VPS41: variants seen among roughly 807,000 people sequenced by gnomAD.
The protein encoded by VPS41 is VPS41 subunit of HOPS complex, also known as vacuolar protein sorting-associated protein 41 homolog.
In VPS41, 85 loss-of-function variants were observed where a neutral mutation model predicts 130.9. That is an observed-to-expected ratio of 0.65 (90% confidence interval 0.55 to 0.78). The LOEUF (loss-of-function observed/expected upper bound fraction) is 0.78, where lower values mean the gene tolerates loss of function less well. VPS41 is among the 30% of genes least tolerant of loss of function. The pLI is 0.00. For missense variants in VPS41, 874 were observed against 1,018.7 expected (o/e 0.86, Z 1.93); for synonymous variants, 335 against 332.9 (o/e 1.01, Z -0.07).
At chr7:38,817,483 T>C (rs1325108389) in intron 7 of VPS41, among the ~76,000 whole-genome samples, 1 of 152,122 alleles carries the variant, frequency 6.6e-6, no homozygotes, top group African/African-American at 2.4e-5. Context: ...CCAGGCACGA[T>C]AGTGGGCATC....
chr7:38,840,752 C>T (rs1179361232), intron 4 of VPS41, among the ~76,000 whole-genome samples: 1 of 152,120 alleles, frequency 6.6e-6, no homozygotes, highest in African/African-American at 2.4e-5. Context: ...ATTTCAGTCC[C>T]CATTAGCAAA....
intron 25 of VPS41, 46 bp downstream of exon 25, chr7:38,741,939 A>T: frequency 6.2e-7 from 1 of 1,606,326 alleles, no homozygotes; most frequent in East Asian, 2.2e-5. Flanking sequence ...ATCCAGTACT[A>T]AGTCAACTAA....
intron 16 of VPS41, among the ~76,000 whole-genome samples, chr7:38,763,982 G>GT (rs1783975540): frequency 6.6e-6 from 1 of 152,130 alleles, no homozygotes; most frequent in South Asian, 2.1e-4. Flanking sequence ...TACATCTTGT[G>GT]TTCTTCAGAT....
chr7:38,903,128 A>G (rs1787180176), intron 1 of VPS41, among the ~76,000 whole-genome samples: 1 of 152,216 alleles, frequency 6.6e-6, no homozygotes, highest in South Asian at 2.1e-4. Flanking sequence ...ACTGTAGGAC[A>G]GTTACAGAAA....
rs1041563556 is a variant in VPS41, at chr7:38,728,932, A to G, written c.2260-141T>C. On this transcript the variant is annotated intron_variant, in intron 25 of 28. Coordinates refer to ENST00000310301, the MANE Select transcript of VPS41 (RefSeq NM_014396.4). ...ACTCACTGATTCTCTTGCCCTCAGT[A>G]CCCTCTTCCTGCCAAACCACTGCCA... 3.0e-5 allele frequency: 22 copies of G among 727,542 alleles called. No individual in the cohort carries two copies. In the East Asian group the frequency reaches 5.7e-4, roughly 19 times the overall value. 45.1% of individuals were successfully genotyped at this position (727,542 alleles called of 1,614,324 possible).
At chr7:38,830,895 A>G (rs1329915200) in intron 4 of VPS41, among the ~76,000 whole-genome samples, 3 of 152,230 alleles carry the variant, frequency 2.0e-5, no homozygotes, top group Non-Finnish European at 4.4e-5. Context: ...TTTGTAGAAG[A>G]ATAAACTGAA....
intron 21 of VPS41, 82 bp downstream of exon 21, chr7:38,754,620 G>A (rs966594806): frequency 5.2e-6 from 6 of 1,155,326 alleles, no homozygotes; most frequent in Non-Finnish European, 7.7e-6. Flanking sequence ...ATTCACTCCA[G>A]TATCCTCCTC....
At chr7:38,898,006 G>C in intron 2 of VPS41, 85 bp downstream of exon 2, 2 of 1,285,628 alleles carry the variant, frequency 1.6e-6, no homozygotes, top group Non-Finnish European at 2.3e-6. Flanking sequence ...CAGCCCCTGG[G>C]AATGTTGCAT....
chr7:38,756,838 C>T lies in VPS41; in HGVS notation c.1695G>A (p.Glu565=). 2 of 1,543,644 alleles carry T rather than the reference C, an allele frequency of 1.3e-6. No homozygotes were observed. The highest frequency in any genetic ancestry group is 1.8e-5 in the Admixed American group (1 of 54,716). ...AGTACTAAAATAAAAAGCACATTAC[C>T]TCTGAATCAAAATCCATTAATAAAA... ...KIVLLMDFDS[E]KAVDMLLDNE... is the part of the protein sequence containing the mutation. Residue 565 remains glutamate, a splice_region_variant and synonymous_variant, in exon 19 of 29, where the codon GAG becomes GAA. Coordinates refer to ENST00000310301, the MANE Select transcript of VPS41 (RefSeq NM_014396.4).
intron 10 of VPS41, among the ~76,000 whole-genome samples, chr7:38,783,627 C>T (rs1784391191): frequency 6.6e-6 from 1 of 152,058 alleles, no homozygotes; most frequent in South Asian, 2.1e-4. Context: ...GAAAATTTAG[C>T]TTCTGAGGAG....
At chr7:38,752,910 C>T (rs931723021) in intron 21 of VPS41, among the ~76,000 whole-genome samples, 2 of 152,140 alleles carry the variant, frequency 1.3e-5, no homozygotes, top group African/African-American at 4.8e-5. Flanking sequence ...GCTGCCTAAA[C>T]TGGTAACATC....
At chr7:38,769,594 A>C (rs2115828755) in intron 14 of VPS41, among the ~76,000 whole-genome samples, 1 of 152,280 alleles carries the variant, frequency 6.6e-6, no homozygotes, top group African/African-American at 2.4e-5. Flanking sequence ...ATCTCTATCA[A>C]TCAGTAAATG....
intron 22 of VPS41, among the ~76,000 whole-genome samples, chr7:38,750,034 T>C (rs959759943): frequency 6.6e-6 from 1 of 152,168 alleles, no homozygotes; most frequent in Admixed American, 6.5e-5. Flanking sequence ...ACTGGACTAA[T>C]GTTTTTATTT....
At chr7:38,847,294 TA>T (rs3839726) in intron 4 of VPS41, among the ~76,000 whole-genome samples, 4 of 149,892 alleles carry the variant, frequency 2.7e-5, no homozygotes, top group Non-Finnish European at 4.5e-5. Context: ...ATGGGTTTGG[TA>T]AAAAAAAAAT....
At chr7:38,819,535 G>C (rs2116112032) in intron 6 of VPS41, among the ~76,000 whole-genome samples, 1 of 152,126 alleles carries the variant, frequency 6.6e-6, no homozygotes, top group East Asian at 1.9e-4. Context: ...TTCATGTATA[G>C]TGACCCTCCT....
intron 7 of VPS41, among the ~76,000 whole-genome samples, chr7:38,798,427 G>A (rs989902338): frequency 6.6e-6 from 1 of 152,046 alleles, no homozygotes; most frequent in African/African-American, 2.4e-5. Context: ...CAAGTAGCTG[G>A]GATTACAGGC....
chr7:38,743,315 T>A, intron 24 of VPS41, 87 bp downstream of exon 24: 2 of 1,484,986 alleles, frequency 1.3e-6, no homozygotes, highest in South Asian at 2.4e-5. Context: ...CTTAACCCAA[T>A]GTATCTTGAA....
rs1452229319 is a variant in VPS41, at chr7:38,758,524, G to C, written c.1423-43C>G. The C allele has an allele frequency of 4.4e-6, 7 of 1,580,178 alleles. No individual in the cohort carries two copies. In the East Asian group the frequency reaches 1.6e-4, roughly 35 times the overall value. ...ACAGAAAAAGAACACTCATTCAACA[G>C]AATAATAGTTGTGATATTGTGAAAT... is the stretch of plus-strand genomic sequence containing the variant. On this transcript the variant is annotated intron_variant, in intron 17 of 28. Transcript: ENST00000310301.
At chr7:38,852,785 T>A (rs1318204830) in intron 4 of VPS41, among the ~76,000 whole-genome samples, 1 of 152,176 alleles carries the variant, frequency 6.6e-6, no homozygotes, top group Non-Finnish European at 1.5e-5. Flanking sequence ...AAGCTTAAAA[T>A]TATTTATTGT....
Sources: gnomAD v4.1 joint callset for allele counts (sites outside exome capture counted in the v4.1 genomes callset) on GRCh38, gnomAD v4.1.1 for gene constraint, MANE v1.5 for transcripts, NCBI Gene and HGNC (gene_info 2026-07-23, HGNC 2026-07-21) for gene names.